The following GALNT17 variants were observed in gnomAD, a reference collection of about 807,000 sequenced individuals.
GALNT17 encodes polypeptide N-acetylgalactosaminyltransferase 17.
GALNT17 carries 29 observed loss-of-function variants against 63.7 expected under a neutral mutation model. The observed-to-expected ratio is 0.46, with a 90% CI of 0.34 to 0.62. The LOEUF is 0.62. GALNT17 is among the 20% of genes least tolerant of loss of function. The pLI, the probability that GALNT17 is intolerant of heterozygous loss-of-function variation, is 0.01. For synonymous variants in GALNT17, 305 were observed against 318.3 expected (o/e 0.96, Z 0.45); for missense variants, 603 against 799.6 (o/e 0.75, Z 2.97).
At chr7:71,201,255 A>ATATATATATATATATATATAAT (rs1307446666) in intron 1 of GALNT17, among the ~76,000 whole-genome samples, 2 of 149,546 alleles carry the variant, frequency 1.3e-5, no homozygotes, top group African/African-American at 4.9e-5. Context: ...ATATATATAT[A>ATATATATATATATATATATAAT]TAATTTGTGT....
chr7:71,380,247 G>T (rs1792819798), intron 2 of GALNT17, among the ~76,000 whole-genome samples: 1 of 152,016 alleles, frequency 6.6e-6, no homozygotes, highest in Admixed American at 6.6e-5. Flanking sequence ...AGGTAAAGAA[G>T]GGAGACAGGG....
chr7:71,481,470 A>T (rs1457173730), intron 5 of GALNT17, among the ~76,000 whole-genome samples: 2 of 152,198 alleles, frequency 1.3e-5, no homozygotes, highest in East Asian at 3.9e-4. Flanking sequence ...AAAAGGCTGC[A>T]TGTGGTGGGT....
intron 6 of GALNT17, among the ~76,000 whole-genome samples, chr7:71,652,820 AC>A (rs1790772747): frequency 6.6e-6 from 1 of 151,930 alleles, no homozygotes; most frequent in South Asian, 2.1e-4. Context: ...GTGGAACATC[AC>A]TCTCTATGTT....
chr7:71,194,285 G>A (rs1562903035), intron 1 of GALNT17, among the ~76,000 whole-genome samples: 1 of 152,292 alleles, frequency 6.6e-6, no homozygotes, highest in East Asian at 1.9e-4. Context: ...CTTGCCCCAG[G>A]CCACTGAGCT....
chr7:71,525,568 T>C (rs1788610335), intron 5 of GALNT17, among the ~76,000 whole-genome samples: 1 of 151,946 alleles, frequency 6.6e-6, no homozygotes, highest in South Asian at 2.1e-4. Context: ...GGGCTTCTCC[T>C]TTCGTTTAGT....
intron 6 of GALNT17, among the ~76,000 whole-genome samples, chr7:71,655,897 G>C (rs1790821773): frequency 6.6e-6 from 1 of 151,960 alleles, no homozygotes. Flanking sequence ...GTTCTATAAG[G>C]GCCCTTGGTT....
chr7:71,677,944 G>A (rs575132513), intron 9 of GALNT17, among the ~76,000 whole-genome samples: 3 of 151,984 alleles, frequency 2.0e-5, no homozygotes, highest in Admixed American at 6.6e-5. Context: ...CCTAAGGTGG[G>A]TGAGCAATGC....
At chr7:71,617,664 A>T (rs1046078700) in intron 6 of GALNT17, among the ~76,000 whole-genome samples, 2 of 140,904 alleles carry the variant, frequency 1.4e-5, no homozygotes, top group African/African-American at 5.4e-5. Flanking sequence ...TTGTTTTGAG[A>T]TGGAATCTCG....
chr7:71,510,090 G>A (rs1279664585), intron 5 of GALNT17, among the ~76,000 whole-genome samples: 1 of 151,968 alleles, frequency 6.6e-6, no homozygotes, highest in African/African-American at 2.4e-5. Flanking sequence ...GGCTACAGGT[G>A]TGCACCACTG....
At position 71,152,252 on chromosome 7, in the gene GALNT17, G is replaced by A. The variant is rs563801823; in HGVS notation, c.238+19212G>A. 6.6e-5 allele frequency among the ~76,000 whole-genome samples: 10 copies of A among 152,062 alleles called. No homozygotes were observed. The East Asian group carries it at 1.7e-3, about 26-fold the overall frequency. On this transcript the variant is annotated intron_variant, in intron 1 of 10. Coordinates refer to ENST00000333538, the MANE Select transcript of GALNT17 (RefSeq NM_022479.3). ...TTTCATTAGCTGTAGGTGAACACTC[G>A]GGAAGATAAAAGCATCCTTGGGCTG...
At chr7:71,330,270 C>T (rs1791785044) in intron 1 of GALNT17, among the ~76,000 whole-genome samples, 1 of 152,178 alleles carries the variant, frequency 6.6e-6, no homozygotes, top group African/African-American at 2.4e-5. Flanking sequence ...GCCTTGGCCT[C>T]CCAAAGTGCT....
At chr7:71,305,858 A>T (rs1381073487) in intron 1 of GALNT17, among the ~76,000 whole-genome samples, 1 of 152,206 alleles carries the variant, frequency 6.6e-6, no homozygotes, top group Non-Finnish European at 1.5e-5. Context: ...AAAAGAAAAA[A>T]AATCCAGGTA....
intron 5 of GALNT17, among the ~76,000 whole-genome samples, chr7:71,503,419 TAG>T (rs1788214399): frequency 6.6e-6 from 1 of 152,140 alleles, no homozygotes; most frequent in Non-Finnish European, 1.5e-5. Flanking sequence ...GTATTTTTAG[TAG>T]AGACAGGGCT....
At chr7:71,570,354 T>C (rs1789418992) in intron 5 of GALNT17, among the ~76,000 whole-genome samples, 1 of 152,116 alleles carries the variant, frequency 6.6e-6, no homozygotes, top group South Asian at 2.1e-4. Context: ...CCCTGAGTCT[T>C]CTCCCTTCTC....
intron 5 of GALNT17, among the ~76,000 whole-genome samples, chr7:71,462,693 C>A (rs186051562): frequency 1.3e-5 from 2 of 152,124 alleles, no homozygotes. Context: ...GAGGGAGTGT[C>A]CAGGTCCCAG....
intron 1 of GALNT17, among the ~76,000 whole-genome samples, chr7:71,314,893 G>A (rs781566749): frequency 1.3e-5 from 2 of 152,110 alleles, no homozygotes; most frequent in Non-Finnish European, 2.9e-5. Context: ...TTCATTGAGA[G>A]CAACAGAGTG....
intron 1 of GALNT17, among the ~76,000 whole-genome samples, chr7:71,146,377 A>T (rs1788023733): frequency 1.3e-5 from 2 of 152,134 alleles, no homozygotes; most frequent in South Asian, 4.1e-4. Flanking sequence ...GCAAGACCTG[A>T]CTTCCTAGCA....
intron 5 of GALNT17, among the ~76,000 whole-genome samples, chr7:71,444,405 A>G (rs1787122233): frequency 6.6e-6 from 1 of 152,090 alleles, no homozygotes; most frequent in African/African-American, 2.4e-5. Flanking sequence ...GCCACACTAA[A>G]CCATCAGGTT....
intron 3 of GALNT17, among the ~76,000 whole-genome samples, chr7:71,402,459 G>A (rs1793257446): frequency 6.6e-6 from 1 of 152,170 alleles, no homozygotes; most frequent in Admixed American, 6.5e-5. Flanking sequence ...CCCACTTCTG[G>A]AATTGTTCTG....
Sources: gnomAD v4.1 joint callset for allele counts (sites outside exome capture counted in the v4.1 genomes callset) on GRCh38, gnomAD v4.1.1 for gene constraint, MANE v1.5 for transcripts, NCBI Gene and HGNC (gene_info 2026-07-23, HGNC 2026-07-21) for gene names.